The following LRRC4C variants were observed in gnomAD, a reference collection of about 807,000 sequenced individuals.
LRRC4C encodes the protein leucine rich repeat containing 4C, also known as leucine-rich repeat-containing protein 4C.
Under a neutral mutation model 33.6 loss-of-function variants are expected in LRRC4C, and 5 were observed. That is an observed-to-expected ratio of 0.15 (90% CI 0.08 to 0.31). The LOEUF (loss-of-function observed/expected upper bound fraction) is 0.31, where lower values mean the gene tolerates loss of function less well. Ranked by LOEUF, LRRC4C falls within the 10% of genes least tolerant of loss-of-function variation. The pLI, the probability that LRRC4C is intolerant of heterozygous loss-of-function variation, is 1.00. For synonymous variants in LRRC4C, 329 were observed against 302.0 expected (o/e 1.09, Z -0.93); for missense variants, 560 against 796.7 (o/e 0.70, Z 3.58).
At position 40,615,265 on chromosome 11, in the gene LRRC4C, T is replaced by TACAC. The variant is rs1263574075; in HGVS notation, c.-270+32873_-270+32876dup. Among the ~76,000 whole-genome samples the TACAC allele has an allele frequency of 4.2e-3, 226 of 53,438 alleles. 2 individuals carry two copies. Among genetic ancestry groups the TACAC allele is most frequent in the African/African-American group, 8.0e-3 (211 of 26,240 alleles). 35.1% of individuals were successfully genotyped at this position (53,438 alleles called of 152,430 possible). On this transcript the variant is annotated intron_variant, in intron 3 of 6. Transcript: ENST00000528697. ...ATATATATATATATATATATATATA[T>TACAC]ACACACACACACACATATGTATATT...
chr11:40,628,168 A>G (rs1324570489), intron 3 of LRRC4C, among the ~76,000 whole-genome samples: 1 of 152,208 alleles, frequency 6.6e-6, no homozygotes, highest in Non-Finnish European at 1.5e-5. Flanking sequence ...ATAGAGTCCA[A>G]TGCTCAGAGA....
intron 3 of LRRC4C, among the ~76,000 whole-genome samples, chr11:40,412,635 T>A (rs78648318): frequency 6.6e-6 from 1 of 152,080 alleles, no homozygotes; most frequent in Non-Finnish European, 1.5e-5. Context: ...CCACCTCCCA[T>A]GTCATTCACC....
intron 3 of LRRC4C, among the ~76,000 whole-genome samples, chr11:40,529,949 C>G (rs1456278611): frequency 6.6e-6 from 1 of 151,950 alleles, no homozygotes; most frequent in African/African-American, 2.4e-5. Context: ...TGCTCATGTA[C>G]CCCAGAAATT....
intron 1 of LRRC4C, among the ~76,000 whole-genome samples, chr11:40,989,553 G>C (rs1020334914): frequency 6.6e-6 from 1 of 152,130 alleles, no homozygotes; most frequent in Non-Finnish European, 1.5e-5. Flanking sequence ...ATGTCACTAG[G>C]TATTTATTCA....
intron 1 of LRRC4C, among the ~76,000 whole-genome samples, chr11:41,252,385 C>G (rs764460052): frequency 1.3e-5 from 2 of 152,072 alleles, no homozygotes; most frequent in African/African-American, 4.8e-5. Flanking sequence ...AGCTATCAAA[C>G]TGGCAAGCTG....
chr11:40,784,841 T>C (rs755350476), intron 2 of LRRC4C, among the ~76,000 whole-genome samples: 1 of 151,978 alleles, frequency 6.6e-6, no homozygotes, highest in Non-Finnish European at 1.5e-5. Flanking sequence ...AACATGCTTT[T>C]AGGATCCAAT....
chr11:40,264,708 G>A (rs1373746146), intron 4 of LRRC4C, among the ~76,000 whole-genome samples: 1 of 152,144 alleles, frequency 6.6e-6, no homozygotes, highest in East Asian at 1.9e-4. Context: ...GCCAAGAAGA[G>A]AAATTTTGTC....
At chr11:40,412,696 T>C (rs893804481) in intron 3 of LRRC4C, among the ~76,000 whole-genome samples, 2 of 152,066 alleles carry the variant, frequency 1.3e-5, no homozygotes, top group African/African-American at 4.8e-5. Flanking sequence ...TCTGCGATTG[T>C]AGTTAAGAGC....
chr11:40,682,312 AG>A (rs1256985603), intron 2 of LRRC4C, among the ~76,000 whole-genome samples: 1 of 151,840 alleles, frequency 6.6e-6, no homozygotes, highest in East Asian at 1.9e-4. Flanking sequence ...GTGCTAGAAA[AG>A]GGGTAAATAA....
At chr11:40,835,208 C>T (rs1952615696) in intron 2 of LRRC4C, among the ~76,000 whole-genome samples, 1 of 152,062 alleles carries the variant, frequency 6.6e-6, no homozygotes, top group African/African-American at 2.4e-5. Flanking sequence ...CTTATTTTCT[C>T]TATTTTTACA....
intron 5 of LRRC4C, among the ~76,000 whole-genome samples, chr11:40,188,951 G>A (rs986480987): frequency 1.3e-5 from 2 of 152,178 alleles, no homozygotes; most frequent in African/African-American, 4.8e-5. Flanking sequence ...CAGTCATGGA[G>A]GCTTTCATTC....
At chr11:40,597,746 T>C (rs1800981768) in intron 3 of LRRC4C, among the ~76,000 whole-genome samples, 1 of 152,124 alleles carries the variant, frequency 6.6e-6, no homozygotes, top group African/African-American at 2.4e-5. Flanking sequence ...GCAAATTCAA[T>C]TTCTGTGCCT....
chr11:40,845,835 A>G (rs541055174), intron 2 of LRRC4C, among the ~76,000 whole-genome samples: 32 of 152,306 alleles, frequency 2.1e-4, no homozygotes, highest in Middle Eastern at 3.4e-3. Context: ...CATCCTCTGT[A>G]GCATCTGTTG....
intron 1 of LRRC4C, among the ~76,000 whole-genome samples, chr11:41,382,325 CAAAGTGAT>C (rs1236403480): frequency 2.6e-5 from 4 of 151,798 alleles, no homozygotes; most frequent in Non-Finnish European, 5.9e-5. Flanking sequence ...GAAAGGAAAT[CAAAGTGAT>C]GCTAGGATTG....
intron 1 of LRRC4C, among the ~76,000 whole-genome samples, chr11:41,412,417 C>T (rs770270207): frequency 1.7e-4 from 26 of 152,086 alleles, no homozygotes; most frequent in Non-Finnish European, 3.1e-4. Flanking sequence ...CATTAAACAT[C>T]GTTTTACTTG....
intron 4 of LRRC4C, among the ~76,000 whole-genome samples, chr11:40,289,188 C>A (rs369367991): frequency 6.6e-6 from 1 of 152,038 alleles, no homozygotes; most frequent in African/African-American, 2.4e-5. Context: ...TATTGGTGCT[C>A]GAACTGTTAA....
chr11:40,708,266 G>C (rs1183349423), intron 2 of LRRC4C, among the ~76,000 whole-genome samples: 2 of 152,078 alleles, frequency 1.3e-5, no homozygotes, highest in Non-Finnish European at 2.9e-5. Flanking sequence ...TTTTGAATGT[G>C]TTTGCTCTTG....
At chr11:40,805,538 C>A (rs1044813101) in intron 2 of LRRC4C, among the ~76,000 whole-genome samples, 11 of 152,082 alleles carry the variant, frequency 7.2e-5, no homozygotes, top group African/African-American at 2.4e-4. Flanking sequence ...TAGTGATAGA[C>A]ATATCTATAC....
intron 3 of LRRC4C, among the ~76,000 whole-genome samples, chr11:40,371,593 C>T (rs1041310405): frequency 2.3e-4 from 35 of 152,276 alleles, no homozygotes; most frequent in African/African-American, 7.9e-4. Context: ...TTAACCCTTT[C>T]GGATACAATC....
Sources: allele counts gnomAD v4.1 joint callset (sites outside exome capture counted in the v4.1 genomes callset), GRCh38; gene constraint gnomAD v4.1.1; transcripts MANE v1.5; gene names NCBI Gene and HGNC (gene_info 2026-07-23, HGNC 2026-07-21).